PLEKHG4B: variants seen among roughly 807,000 people sequenced by gnomAD.
The protein encoded by PLEKHG4B is pleckstrin homology and RhoGEF domain containing G4B.
In PLEKHG4B, 111 loss-of-function variants were observed where a neutral mutation model predicts 121.3. The ratio of observed to expected loss-of-function variants is 0.92; its 90% CI spans 0.78 to 1.07. The LOEUF (loss-of-function observed/expected upper bound fraction) is 1.07, where lower values mean the gene tolerates loss of function less well. Ranked by LOEUF, PLEKHG4B falls within the 50% of genes least tolerant of loss-of-function variation. PLEKHG4B has a pLI of 0.00. For missense variants in PLEKHG4B, 1,831 were observed against 1,757.8 expected, an observed-to-expected ratio of 1.04 and a Z score of -0.74; for synonymous variants, 738 against 725.0, an observed-to-expected ratio of 1.02 and a Z score of -0.29.
Position 115,881 on chromosome 5 carries a change from A to G in PLEKHG4B, c.243+2433A>G, listed in dbSNP as rs371435330. On this transcript the variant is annotated intron_variant, in intron 2 of 19. Transcript: ENST00000637938. Reference sequence around the variant, plus strand: ...GTTTGCTCTTCTATCCAGACCACAAAGACTTTCTCCATGTCAGCAATAAGG... The same window carrying G: ...GTTTGCTCTTCTATCCAGACCACAAGGACTTTCTCCATGTCAGCAATAAGG... Among the ~76,000 whole-genome samples the G allele has an allele frequency of 1.4e-3, 215 of 152,324 alleles. 1 individual carries two copies. Among genetic ancestry groups the G allele is most frequent in the African/African-American group, 5.0e-3 (209 of 41,574 alleles).
chr5:120,901 C>A (rs942147415), intron 2 of PLEKHG4B, among the ~76,000 whole-genome samples: 7 of 152,040 alleles, frequency 4.6e-5, no homozygotes, highest in Non-Finnish European at 8.8e-5. Flanking sequence ...AGTAATATGG[C>A]AGATGAAGTA....
rs779659127 is a variant in PLEKHG4B at position 157,944 on chromosome 5, G to A, written c.2487+1033G>A. Among the ~76,000 whole-genome samples, 2 of 152,158 alleles carry A rather than the reference G, an allele frequency of 1.3e-5. No homozygotes were observed. Among genetic ancestry groups the A allele is most frequent in the African/African-American group, 4.8e-5 (2 of 41,438 alleles). On this transcript the variant is annotated intron_variant, in intron 11 of 19. Transcript: ENST00000637938. This position sits in a 1 kb window ranked among gnomAD's most constrained non-coding sequence, Gnocchi z 4.6. ...CTCACGGGGGCCTCCAGACAAAGACGTGCAGCAGGGACGCGAGGCACTGTG... is the reference window on the plus strand; with the variant it reads ...CTCACGGGGGCCTCCAGACAAAGACATGCAGCAGGGACGCGAGGCACTGTG...
intron 12 of PLEKHG4B, 118 bp downstream of exon 12, chr5:162,062 C>A (rs944216581): frequency 7.6e-7 from 1 of 1,317,998 alleles, no homozygotes; most frequent in Non-Finnish European, 1.0e-6. Context: ...AGGCCGGGCA[C>A]CTGCGATGGA....
rs1736550520 is a variant in PLEKHG4B, at chr5:171,422, T to TG, written c.4030dup (p.Asp1344GlyfsTer7). ...CGTCACGGCAATGACCTGCTGGCCA[T>TG]GGACGCCATCCGCGGCTGTGACGTA... On this transcript the variant is annotated frameshift_variant, in exon 16 of 20. Transcript: ENST00000637938. LOFTEE classifies it high-confidence loss of function. 6.2e-7 allele frequency: 1 copy of TG among 1,601,618 alleles called. No homozygotes were observed. The highest frequency in any genetic ancestry group is 1.7e-5 in the Admixed American group (1 of 59,884).
intron 3 of PLEKHG4B, among the ~76,000 whole-genome samples, chr5:141,528 C>G (rs946660100): frequency 6.6e-6 from 1 of 151,006 alleles, no homozygotes; most frequent in Middle Eastern, 3.2e-3. Context: ...GGGCACCCAT[C>G]GCTGGATTCG....
rs111322630 is a variant in PLEKHG4B at position 131,458 on chromosome 5, G to A, written c.244-8025G>A. Among the ~76,000 whole-genome samples, 462 of 151,926 alleles carry A rather than the reference G, an allele frequency of 3.0e-3. 1 individual carries two copies. The highest frequency in any genetic ancestry group is 0.01 in the African/African-American group (418 of 41,452). ...CATGAACTCATGCTTTTTTTTTATGGCTACATAGTATTCCATGGTGTATAT... is the reference window on the plus strand; with the variant it reads ...CATGAACTCATGCTTTTTTTTTATGACTACATAGTATTCCATGGTGTATAT... On this transcript the variant is annotated intron_variant, in intron 2 of 19. Coordinates refer to ENST00000637938, the MANE Select transcript of PLEKHG4B (RefSeq NM_052909.5).
chr5:127,815 TC>T (rs1734664898), intron 2 of PLEKHG4B, among the ~76,000 whole-genome samples: 1 of 152,096 alleles, frequency 6.6e-6, no homozygotes, highest in African/African-American at 2.4e-5. Flanking sequence ...CCTCAGGAGG[TC>T]CTGAGAACAT....
At chr5:122,803 T>C (rs1401011438) in intron 2 of PLEKHG4B, among the ~76,000 whole-genome samples, 3 of 152,178 alleles carry the variant, frequency 2.0e-5, no homozygotes, top group Non-Finnish European at 2.9e-5. Flanking sequence ...AAGTATGTGG[T>C]GGATTAATAT....
At chr5:148,825 TAAC>T (rs1341956837) in intron 6 of PLEKHG4B, among the ~76,000 whole-genome samples, 1 of 152,068 alleles carries the variant, frequency 6.6e-6, no homozygotes, top group Non-Finnish European at 1.5e-5. Context: ...TTTCAAAACT[TAAC>T]AAAGCAACAG....
At position 183,973 on chromosome 5, in the gene PLEKHG4B, ATAGATAGATAGATAGAT is replaced by A. The variant is rs1733518443; in HGVS notation, c.*1651_*1667del. 3 of 64,318 alleles carry A rather than the reference ATAGATAGATAGATAGAT, an allele frequency of 4.7e-5. No individual in the cohort carries two copies. The highest frequency in any genetic ancestry group is 1.8e-4 in the African/African-American group (3 of 16,226). The allele number at this position is 64,318 out of a possible 1,614,324, so 4.0% of individuals were successfully genotyped here. A position where few individuals can be genotyped will look rare whatever the true frequency, so the allele number is the denominator to read the frequency against. ...GATAGCTAGATATATATACAGACAG[ATAGATAGATAGATAGAT>A]CGATAGATAGATAGATAGATAGATA... On this transcript the variant is annotated 3_prime_UTR_variant, in exon 20 of 20. Coordinates refer to ENST00000637938, the MANE Select transcript of PLEKHG4B (RefSeq NM_052909.5).
At chr5:163,939 C>T (rs777175334) in intron 13 of PLEKHG4B, among the ~76,000 whole-genome samples, 1 of 152,256 alleles carries the variant, frequency 6.6e-6, no homozygotes, top group African/African-American at 2.4e-5. Context: ...GGTTAGAAGG[C>T]GCACCCATGC....
chr5:143,145 C>T lies in PLEKHG4B; in HGVS notation c.1576C>T (p.Pro526Ser), dbSNP rs765015394. ...CGATGTGCCTGCCCGGCAGCCACAC[C>T]CCGAGCAAGAAGGGTGGCCACCCGG... Reference protein sequence around the residue: ...PSDVPARQPHPEQEGWPPGTG... With the variant: ...PSDVPARQPHSEQEGWPPGTG... Residue 526 changes from proline (P) to serine (S), a missense_variant, in exon 4 of 20, where the codon CCC becomes TCC. By Grantham distance (74) the Pro-to-Ser change is moderately conservative (BLOSUM62 -1). Coordinates refer to ENST00000637938, the MANE Select transcript of PLEKHG4B (RefSeq NM_052909.5). The T allele has an allele frequency of 1.9e-6, 3 of 1,612,640 alleles. No individual in the cohort carries two copies. The highest frequency in any genetic ancestry group is 1.1e-5 in the South Asian group (1 of 91,084).
At chr5:124,625 C>T (rs1734559697) in intron 2 of PLEKHG4B, among the ~76,000 whole-genome samples, 1 of 152,184 alleles carries the variant, frequency 6.6e-6, no homozygotes, top group Admixed American at 6.5e-5. Flanking sequence ...TTAACCTTTT[C>T]TTAATATATA....
At chr5:117,307 G>T (rs1001020734) in intron 2 of PLEKHG4B, among the ~76,000 whole-genome samples, 2 of 152,084 alleles carry the variant, frequency 1.3e-5, no homozygotes, top group African/African-American at 4.8e-5. Context: ...GTTGATATAA[G>T]TTCAATTCTG....
intron 13 of PLEKHG4B, among the ~76,000 whole-genome samples, 188 bp downstream of exon 13, chr5:163,736 C>T (rs890161197): frequency 1.3e-5 from 2 of 152,172 alleles, no homozygotes; most frequent in African/African-American, 2.4e-5. Flanking sequence ...CCCCCATGTC[C>T]GGAAGGGACC....
chr5:182,675 C>T lies in PLEKHG4B; in HGVS notation c.*352C>T, dbSNP rs981922694. On this transcript the variant is annotated 3_prime_UTR_variant, in exon 20 of 20. Coordinates refer to ENST00000637938, the MANE Select transcript of PLEKHG4B (RefSeq NM_052909.5). ...CCGCGATCCCTGAGAGACAGGAAAACGGGAGGTGAGCCCGGTGATGGCCTC... is the reference window on the plus strand; with the variant it reads ...CCGCGATCCCTGAGAGACAGGAAAATGGGAGGTGAGCCCGGTGATGGCCTC... 3.4e-5 allele frequency: 9 copies of T among 267,280 alleles called. No individual in the cohort carries two copies. The highest frequency in any genetic ancestry group is 5.8e-5 in the Non-Finnish European group (8 of 137,408). The allele number at this position is 267,280 out of a possible 1,614,324, so 16.6% of individuals were successfully genotyped here. A position where few individuals can be genotyped will look rare whatever the true frequency, so the allele number is the denominator to read the frequency against.
chr5:126,926 C>A (rs746230091), intron 2 of PLEKHG4B, among the ~76,000 whole-genome samples: 1 of 152,154 alleles, frequency 6.6e-6, no homozygotes, highest in Non-Finnish European at 1.5e-5. Flanking sequence ...TTACATGGGG[C>A]CCACAGATTG....
rs1362107495 is a variant in PLEKHG4B at position 188,229 on chromosome 5, C to T, written c.*5906C>T. On this transcript the variant is annotated 3_prime_UTR_variant, in exon 20 of 20. Transcript: ENST00000637938. ...GAGAAGGCTCCATCCTGGGGACACG[C>T]CTCTCCCAAGGTCACCCACGTGGGG... 4 of 152,372 alleles carry T rather than the reference C, an allele frequency of 2.6e-5. No individual in the cohort carries two copies. The highest frequency in any genetic ancestry group is 9.6e-5 in the African/African-American group (4 of 41,466). 9.4% of individuals were successfully genotyped at this position (152,372 alleles called of 1,614,324 possible).
chr5:172,928 GC>G lies in PLEKHG4B; in HGVS notation c.4084del (p.Arg1362GlyfsTer14), dbSNP rs747564813. 4.3e-6 allele frequency: 7 copies of G among 1,614,218 alleles called. No individual in the cohort carries two copies. The highest frequency in any genetic ancestry group is 5.9e-6 in the Non-Finnish European group (7 of 1,180,036). On this transcript the variant is annotated frameshift_variant, in exon 17 of 20. Transcript: ENST00000637938. LOFTEE classifies it high-confidence loss of function. ...TTGAAGGAACAGGGGCAGCTGAGAT[GC>G]CGGGATGAGTTTATCGTTTGCTGCG... ...VNLKEQGQLR[C>X]RDEFIVCCGR...
Sources: allele counts gnomAD v4.1 joint callset (sites outside exome capture counted in the v4.1 genomes callset), GRCh38; gene constraint gnomAD v4.1.1; non-coding constraint Gnocchi (gnomAD v3.1); transcripts MANE v1.5; gene names NCBI Gene and HGNC (gene_info 2026-07-23, HGNC 2026-07-21).